Variants in POLR2B observed in about 807,000 individuals in gnomAD.
POLR2B encodes RNA polymerase II subunit B.
POLR2B carries 57 observed loss-of-function variants against 144.6 expected under a neutral mutation model. The ratio of observed to expected loss-of-function variants is 0.39; its 90% CI spans 0.32 to 0.49. The LOEUF is 0.49. Among genes scored for constraint, POLR2B ranks in the 20% least tolerant of loss-of-function variants. The probability of loss-of-function intolerance (pLI) is 0.83; values close to 1 mark genes in which losing one functional copy is unlikely to be tolerated. For synonymous variants in POLR2B, 442 were observed against 469.8 expected (o/e 0.94, Z 0.77); for missense variants, 595 against 1,467.4 (o/e 0.41, Z 9.71).
intron 7 of POLR2B, among the ~76,000 whole-genome samples, chr4:57,002,275 A>G (rs1316789089): frequency 6.6e-6 from 1 of 152,094 alleles, no homozygotes; most frequent in Non-Finnish European, 1.5e-5. Flanking sequence ...GTGGTTCACC[A>G]TCCTCGGGCT....
intron 22 of POLR2B, 146 bp from the exon 23 acceptor site, chr4:57,025,231 A>C (rs935677082): frequency 1.4e-6 from 1 of 701,698 alleles, no homozygotes; most frequent in Non-Finnish European, 2.4e-6. Context: ...TCCCACCCCA[A>C]GCTAATTACT....
chr4:57,023,960 T>TA lies in POLR2B; in HGVS notation c.2857-45_2857-44insA. 9.3e-7 allele frequency: 1 copy of TA among 1,071,296 alleles called. No homozygotes were observed. Among genetic ancestry groups the TA allele is most frequent in the Non-Finnish European group, 1.4e-6 (1 of 722,980 alleles). The allele number at this position is 1,071,296 out of a possible 1,614,324, so 66.4% of individuals were successfully genotyped here. A position where few individuals can be genotyped will look rare whatever the true frequency, so the allele number is the denominator to read the frequency against. On this transcript the variant is annotated intron_variant, in intron 20 of 24. Transcript: ENST00000314595. This position sits in a 1 kb window ranked among gnomAD's most constrained non-coding sequence, Gnocchi z 4.3. ...GGAGAACTGAAATGTCAGTTCTAGTTTAGTATATGTATCTTTGAGTCCCTT... is the reference window on the plus strand; with the variant it reads ...GGAGAACTGAAATGTCAGTTCTAGTTATAGTATATGTATCTTTGAGTCCCTT...
chr4:56,981,269 C>T (rs1185183495), intron 1 of POLR2B, among the ~76,000 whole-genome samples: 5 of 151,812 alleles, frequency 3.3e-5, no homozygotes, highest in Admixed American at 6.6e-5. Context: ...CGTGTCCCCA[C>T]CCCCAGTTAC....
At position 57,015,600 on chromosome 4, in the gene POLR2B, A is replaced by C; in HGVS notation, c.1899A>C (p.Leu633=). The C allele has an allele frequency of 6.6e-7, 1 of 1,519,314 alleles. No homozygotes were observed. Among genetic ancestry groups the C allele is most frequent in the South Asian group, 1.3e-5 (1 of 74,782 alleles). The allele number at this position is 1,519,314 out of a possible 1,614,324, so 94.1% of individuals were successfully genotyped here. A position where few individuals can be genotyped will look rare whatever the true frequency, so the allele number is the denominator to read the frequency against. The change falls in exon 14 of 25, where the codon CTA becomes CTC. Residue 633 remains leucine (L), a synonymous_variant. Coordinates refer to ENST00000314595, the MANE Select transcript of POLR2B (RefSeq NM_000938.3). ...RPLLIVEKQK[L]LLKKRHIDQL... ...TTCTGATTGTGGAAAAACAAAAGCT[A>C]CTTTTGAAGAAGAGGCATATTGACC... is the stretch of plus-strand genomic sequence containing the variant.
Position 57,023,930 on chromosome 4 carries a change from A to T in POLR2B, c.2857-75A>T. On this transcript the variant is annotated intron_variant, in intron 20 of 24. Coordinates refer to ENST00000314595, the MANE Select transcript of POLR2B (RefSeq NM_000938.3). The surrounding 1 kb of genome is among the most constrained non-coding windows in gnomAD (Gnocchi z 4.3). ...CAGAATTTGGGACATACAGTAATTC[A>T]GTTGGGAGAACTGAAATGTCAGTTC... 1.2e-6 allele frequency: 1 copy of T among 866,566 alleles called. No individual in the cohort carries two copies. Among genetic ancestry groups the T allele is most frequent in the Non-Finnish European group, 1.8e-6 (1 of 545,994 alleles). 53.7% of individuals were successfully genotyped at this position (866,566 alleles called of 1,614,324 possible). A position where few individuals can be genotyped will look rare whatever the true frequency, so the allele number is the denominator to read the frequency against.
chr4:57,022,056 T>C, intron 17 of POLR2B, 96 bp from the exon 18 acceptor site: 1 of 673,260 alleles, frequency 1.5e-6, no homozygotes, highest in Non-Finnish European at 2.6e-6. Context: ...GTTTAAATTG[T>C]CTCCCAAATT....
chr4:57,008,620 A>G (rs1475782813), intron 10 of POLR2B, among the ~76,000 whole-genome samples: 1 of 152,240 alleles, frequency 6.6e-6, no homozygotes, highest in Non-Finnish European at 1.5e-5. Context: ...TAAACAGATA[A>G]TTACAGCATG....
At chr4:56,989,669 G>C (rs933515173) in intron 2 of POLR2B, among the ~76,000 whole-genome samples, 1 of 152,202 alleles carries the variant, frequency 6.6e-6, no homozygotes, top group Non-Finnish European at 1.5e-5. Context: ...ACAGATATAA[G>C]ATGACAGAGG....
intron 24 of POLR2B, 111 bp from the exon 25 acceptor site, chr4:57,030,788 C>T (rs796514317): frequency 1.5e-6 from 1 of 675,138 alleles, no homozygotes; most frequent in Non-Finnish European, 2.7e-6. Flanking sequence ...GTTCTCAGCT[C>T]CACTCATTTA....
At chr4:56,986,662 GTA>G in intron 2 of POLR2B, 1 of 300,080 alleles carries the variant, frequency 3.3e-6, no homozygotes, top group Non-Finnish European at 6.0e-6. Context: ...TTCTCTTTTT[GTA>G]TATATATATT....
chr4:57,007,935 C>G (rs1246438531), intron 10 of POLR2B, among the ~76,000 whole-genome samples: 2 of 152,194 alleles, frequency 1.3e-5, no homozygotes, highest in African/African-American at 4.8e-5. Context: ...TTTCAAGCTC[C>G]TTTTTCCTAG....
At chr4:56,983,684 A>G (rs746644453) in intron 1 of POLR2B, among the ~76,000 whole-genome samples, 7 of 151,632 alleles carry the variant, frequency 4.6e-5, no homozygotes, top group Non-Finnish European at 7.4e-5. Flanking sequence ...TTTTAAAGAA[A>G]ATTTTAGAGA....
chr4:56,988,472 T>C (rs1472454684), intron 2 of POLR2B, among the ~76,000 whole-genome samples: 1 of 151,654 alleles, frequency 6.6e-6, no homozygotes, highest in Non-Finnish European at 1.5e-5. Context: ...GAGACCAGCC[T>C]ATGCAACATA....
chr4:56,996,551 T>C (rs1428642978), intron 6 of POLR2B, among the ~76,000 whole-genome samples: 1 of 151,878 alleles, frequency 6.6e-6, no homozygotes, highest in African/African-American at 2.4e-5. Context: ...CCAAAAGTGC[T>C]GGGATTACAG....
At chr4:57,002,147 C>T (rs1469886984) in intron 7 of POLR2B, among the ~76,000 whole-genome samples, 1 of 152,126 alleles carries the variant, frequency 6.6e-6, no homozygotes, top group Non-Finnish European at 1.5e-5. Flanking sequence ...CCCACCTCAG[C>T]CTCCTGAGTA....
intron 5 of POLR2B, 72 bp downstream of exon 5, chr4:56,994,938 A>G (rs1249075659): frequency 5.1e-5 from 25 of 488,074 alleles, no homozygotes; most frequent in Non-Finnish European, 8.1e-5. Context: ...ATGAAAAAAA[A>G]AAAAAAAAGA....
chr4:56,993,434 C>T (rs1396843095), intron 3 of POLR2B, among the ~76,000 whole-genome samples: 1 of 152,128 alleles, frequency 6.6e-6, no homozygotes, highest in Non-Finnish European at 1.5e-5. Context: ...GATTGGCTTC[C>T]CTTTGGTTCG....
At chr4:56,992,991 T>C (rs1722566999) in intron 3 of POLR2B, among the ~76,000 whole-genome samples, 2 of 152,124 alleles carry the variant, frequency 1.3e-5, no homozygotes, top group African/African-American at 4.8e-5. Context: ...TGGAAAGTGA[T>C]GCTTGCTTGG....
At position 56,985,182 on chromosome 4, in the gene POLR2B, T is replaced by G. The variant is rs143953287; in HGVS notation, c.20-1172T>G. On this transcript the variant is annotated intron_variant, in intron 1 of 24. Transcript: ENST00000314595. ...GCCTCTACTTATGGTTCGGGCTTTC[T>G]CAGTATGTAGCAGCCTCAGAATAGT... The G allele has an allele frequency of 4.2e-3, 1,500 of 353,862 alleles. 22 individuals are homozygous for G. Among genetic ancestry groups the G allele is most frequent in the African/African-American group, 0.031 (1,397 of 45,234 alleles). 21.9% of individuals were successfully genotyped at this position (353,862 alleles called of 1,614,324 possible).
Sources: gnomAD v4.1 joint callset for allele counts (sites outside exome capture counted in the v4.1 genomes callset) on GRCh38, gnomAD v4.1.1 for gene constraint, Gnocchi (gnomAD v3.1) non-coding constraint, MANE v1.5 for transcripts, NCBI Gene and HGNC (gene_info 2026-07-23, HGNC 2026-07-21) for gene names.